The following RNASEH1 variants were observed in gnomAD, a reference collection of about 807,000 sequenced individuals.
RNASEH1 encodes ribonuclease H type II.
Under a neutral mutation model 34.6 loss-of-function variants are expected in RNASEH1, and 27 were observed. That is an observed-to-expected ratio of 0.78 (90% CI 0.58 to 1.08). RNASEH1 has a LOEUF of 1.08. Ranked by LOEUF, RNASEH1 falls within the 50% of genes least tolerant of loss-of-function variation. RNASEH1 has a pLI of 0.00. For missense variants in RNASEH1, 349 were observed against 373.6 expected (o/e 0.93, Z 0.54); for synonymous variants, 162 against 138.4 (o/e 1.17, Z -1.20).
chr2:3,558,239 C>T lies in RNASEH1; in HGVS notation c.22G>A (p.Ala8Thr), dbSNP rs776572008. MSWLLFLAHRVALAALPC... is the reference protein window; with the variant it reads MSWLLFLTHRVALAALPC... ...AAGGCGGCCAAGGCGACTCTGTGGGCCAGGAACAGAAGCCAGCTCATCGCT... is the reference window on the plus strand; with the variant it reads ...AAGGCGGCCAAGGCGACTCTGTGGGTCAGGAACAGAAGCCAGCTCATCGCT... Residue 8 changes from alanine (A) to threonine (T), a missense_variant, in exon 1 of 8, where the codon GCC becomes ACC. Ala to Thr is a moderately conservative substitution (Grantham distance 58). Transcript: ENST00000315212. The T allele has an allele frequency of 1.9e-6, 3 of 1,595,958 alleles. No homozygotes were observed. Among genetic ancestry groups the T allele is most frequent in the South Asian group, 1.1e-5 (1 of 88,622 alleles).
chr2:3,535,737 G>T, the RNASEH1 span, among the ~76,000 whole-genome samples: 74 of 152,278 alleles, frequency 4.9e-4, no homozygotes, highest in African/African-American at 1.7e-3. Flanking sequence ...GCACAGCAGC[G>T]ACGTGATCTG....
At chr2:3,540,720 T>C (rs890200606), downstream of RNASEH1, among the ~76,000 whole-genome samples, 1 of 152,176 alleles carries the variant, frequency 6.6e-6, no homozygotes, top group Non-Finnish European at 1.5e-5. Context: ...ATCATCTGTG[T>C]TGTGAAAATC....
At chr2:3,539,598 T>C (rs1190248749), downstream of RNASEH1, among the ~76,000 whole-genome samples, 1 of 152,074 alleles carries the variant, frequency 6.6e-6, no homozygotes, top group Non-Finnish European at 1.5e-5. Flanking sequence ...GCCCTCCCCA[T>C]GTTACCCCTG....
At chr2:3,548,162 T>C in intron 6 of RNASEH1, 107 bp from the exon 7 acceptor site, 1 of 1,327,184 alleles carries the variant, frequency 7.5e-7, no homozygotes, top group Non-Finnish European at 1.1e-6. Context: ...TGAGTCACCA[T>C]CCTTGACTCT....
At chr2:3,554,747 A>C (rs1660321031) in intron 2 of RNASEH1, among the ~76,000 whole-genome samples, 2 of 152,264 alleles carry the variant, frequency 1.3e-5, no homozygotes, top group Admixed American at 1.3e-4. Context: ...AAAAACAAAA[A>C]ATTTGTGAAA....
At chr2:3,552,434 G>T in intron 2 of RNASEH1, 126 bp from the exon 3 acceptor site, 1 of 858,554 alleles carries the variant, frequency 1.2e-6, no homozygotes, top group Non-Finnish European at 1.7e-6. Flanking sequence ...TCTCTATGTG[G>T]CCCTACAACG....
chr2:3,552,614 T>A (rs1489859647), intron 2 of RNASEH1, among the ~76,000 whole-genome samples: 4 of 119,332 alleles, frequency 3.4e-5, no homozygotes, highest in African/African-American at 1.3e-4. Context: ...CCACACCACC[T>A]CCACCCCCTC....
Position 3,545,684 on chromosome 2 carries a change from C to A in RNASEH1, c.*101G>T. On this transcript the variant is annotated 3_prime_UTR_variant, in exon 8 of 8. Transcript: ENST00000315212. ...CCGTGTGAAAGACGCATCTGCCCATCACTGCAATGGTCCTACCTGCAGGCT... is the reference window on the plus strand; with the variant it reads ...CCGTGTGAAAGACGCATCTGCCCATAACTGCAATGGTCCTACCTGCAGGCT... 1 of 776,282 alleles carries A rather than the reference C, an allele frequency of 1.3e-6. No individual in the cohort carries two copies. Among genetic ancestry groups the A allele is most frequent in the Non-Finnish European group, 2.3e-6 (1 of 427,892 alleles). 48.1% of individuals were successfully genotyped at this position (776,282 alleles called of 1,614,324 possible).
In RNASEH1 at chr2:3,544,636, C is replaced by T. The variant is rs931248466; in HGVS notation, c.*1149G>A. On this transcript the variant is annotated 3_prime_UTR_variant, in exon 8 of 8. Coordinates refer to ENST00000315212, the MANE Select transcript of RNASEH1 (RefSeq NM_002936.6). The stretch of plus-strand genomic sequence containing the variant: ...GGTATCTGGCAAAGTACTATTTCTT[C>T]ACCAGGTGGTGGACACAAAGGTTAT... Among the ~76,000 whole-genome samples, 1 of 152,126 alleles carries T rather than the reference C, an allele frequency of 6.6e-6. No individual in the cohort carries two copies. Among genetic ancestry groups the T allele is most frequent in the Non-Finnish European group, 1.5e-5 (1 of 68,024 alleles).
rs1572288959 is a variant in RNASEH1 at position 3,545,639 on chromosome 2, G to A, written c.*146C>T. The A allele has an allele frequency of 1.6e-6, 1 of 636,722 alleles. No individual in the cohort carries two copies. Among genetic ancestry groups the A allele is most frequent in the South Asian group, 1.8e-5 (1 of 55,544 alleles). 39.4% of individuals were successfully genotyped at this position (636,722 alleles called of 1,614,324 possible). ...CCATTTTTTATAAACACATGTCACA[G>A]AAGGCCACTGTGCCTGATTCCGTGT... On this transcript the variant is annotated 3_prime_UTR_variant, in exon 8 of 8. Coordinates refer to ENST00000315212, the MANE Select transcript of RNASEH1 (RefSeq NM_002936.6).
intron 2 of RNASEH1, 56 bp downstream of exon 2, chr2:3,556,733 G>T: frequency 1.8e-6 from 2 of 1,138,356 alleles, no homozygotes; most frequent in Non-Finnish European, 2.7e-6. Context: ...ATGCCATCTG[G>T]CATATGAAAG....
the RNASEH1 span, chr2:3,533,526 G>A: frequency 6.6e-6 from 1 of 152,304 alleles, no homozygotes; most frequent in Non-Finnish European, 1.5e-5. Context: ...ACAAGTTACA[G>A]GAGAAGGAAG....
In RNASEH1 at chr2:3,547,934, C is replaced by A; in HGVS notation, c.771G>T (p.Gln257His). The A allele has an allele frequency of 6.2e-7, 1 of 1,613,760 alleles. No individual in the cohort carries two copies. Residue 257 changes from glutamine to histidine, a missense_variant, in exon 7 of 8, where the codon CAG becomes CAT. Coordinates refer to ENST00000315212, the MANE Select transcript of RNASEH1 (RefSeq NM_002936.6). ...LERLTQGMDI[Q>H]WMHVPGHSGF... Reference sequence around the variant, plus strand: ...CATGAACATTTAAGATACTCACCCACTGAATGTCCATCCCCTGGGTAAGCC... The same window carrying A: ...CATGAACATTTAAGATACTCACCCAATGAATGTCCATCCCCTGGGTAAGCC...
At chr2:3,557,729 C>T (rs1376771409) in intron 1 of RNASEH1, 15 of 577,540 alleles carry the variant, frequency 2.6e-5, no homozygotes, top group Non-Finnish European at 3.9e-5. Flanking sequence ...TAGAATTTGC[C>T]TTTTTTAAAA....
chr2:3,557,766 C>A (rs1660659059), intron 1 of RNASEH1: 2 of 826,008 alleles, frequency 2.4e-6, no homozygotes, highest in Non-Finnish European at 3.6e-6. Context: ...GAGTTCCAAT[C>A]CCAATTTAGC....
the RNASEH1 span, among the ~76,000 whole-genome samples, chr2:3,532,749 T>C: frequency 2.0e-5 from 3 of 152,230 alleles, no homozygotes; most frequent in African/African-American, 7.2e-5. Context: ...AGTGCATGAT[T>C]GCATGTAAAG....
intron 1 of RNASEH1, chr2:3,557,559 A>T (rs1056435077): frequency 3.7e-6 from 1 of 266,802 alleles, no homozygotes; most frequent in Non-Finnish European, 7.4e-6. Context: ...TAGTGGGAAG[A>T]GTTCTGGTGG....
chr2:3,532,069 A>G, the RNASEH1 span: 2 of 582,150 alleles, frequency 3.4e-6, no homozygotes, highest in Non-Finnish European at 6.1e-6. Flanking sequence ...CCCCTTGACA[A>G]AGAGATAAGG....
chr2:3,550,978 G>A (rs6730126), intron 3 of RNASEH1, among the ~76,000 whole-genome samples: 22,223 of 152,192 alleles, frequency 0.15, 2,016 homozygotes, highest in African/African-American at 0.25. Context: ...CTAGATAGAG[G>A]GTATGATTGA....
Sources: allele counts gnomAD v4.1 joint callset (sites outside exome capture counted in the v4.1 genomes callset), GRCh38; gene constraint gnomAD v4.1.1; transcripts MANE v1.5; gene names NCBI Gene and HGNC (gene_info 2026-07-23, HGNC 2026-07-21).